RANBP2: variants seen among roughly 807,000 people sequenced by gnomAD.
RANBP2 encodes the protein RAN binding protein 2, also known as E3 SUMO-protein ligase RanBP2.
RANBP2 carries 57 observed loss-of-function variants against 303.6 expected under a neutral mutation model. That is an observed-to-expected ratio of 0.19 (90% CI 0.15 to 0.23). RANBP2 has a LOEUF of 0.23. Ranked by LOEUF, RANBP2 falls within the 10% of genes least tolerant of loss-of-function variation. The pLI, the probability that RANBP2 is intolerant of heterozygous loss-of-function variation, is 1.00. For missense variants in RANBP2, 3,138 were observed against 3,780.8 expected (o/e 0.83, Z 4.46); for synonymous variants, 1,167 against 1,301.5 (o/e 0.90, Z 2.23).
chr2:108,721,127 C>G (rs1287522268), intron 1 of RANBP2, among the ~76,000 whole-genome samples: 3 of 152,136 alleles, frequency 2.0e-5, no homozygotes, highest in East Asian at 1.9e-4. Flanking sequence ...TGTCTCTTAT[C>G]GTAACTAAGC....
At chr2:109,681,907 TGGCC>T in the RANBP2 span, among the ~76,000 whole-genome samples, 2 of 152,216 alleles carry the variant, frequency 1.3e-5, no homozygotes, top group Non-Finnish European at 2.9e-5. Context: ...AGTAGAGAGG[TGGCC>T]TCTCTTCCAG....
In RANBP2 at chr2:108,764,831, C is replaced by G. The variant is rs143070762; in HGVS notation, c.4292C>G (p.Thr1431Ser). ...ATTTGTTTAGTAAGAAATGAACCTA[C>G]TGTATCTAGGTGCATTGCGTGTCAG... Reference protein sequence around the residue: ...CSICLVRNEPTVSRCIACQNT... With the variant: ...CSICLVRNEPSVSRCIACQNT... The change falls in exon 20 of 29, where the codon ACT (threonine) becomes AGT (serine). Residue 1431 changes from threonine to serine, a missense_variant. Physicochemically the swap from Thr to Ser is moderately conservative, Grantham distance 58. Coordinates refer to ENST00000283195, the MANE Select transcript of RANBP2 (RefSeq NM_006267.5). 7 of 1,613,940 alleles carry G rather than the reference C, an allele frequency of 4.3e-6. No homozygotes were observed. Among genetic ancestry groups the G allele is most frequent in the African/African-American group, 4.0e-5 (3 of 74,918 alleles).
chr2:109,527,262 A>T, the RANBP2 span, among the ~76,000 whole-genome samples: 1 of 152,232 alleles, frequency 6.6e-6, no homozygotes, highest in East Asian at 1.9e-4. Flanking sequence ...GACTAAGCAG[A>T]GAGGCCTGGG....
chr2:108,760,719 C>G (rs1324166761), intron 18 of RANBP2, among the ~76,000 whole-genome samples: 1 of 152,126 alleles, frequency 6.6e-6, no homozygotes, highest in African/African-American at 2.4e-5. Flanking sequence ...ACGTGGGTAC[C>G]TCCCAGTTGT....
chr2:108,834,383 C>G, the RANBP2 span, among the ~76,000 whole-genome samples: 1 of 151,804 alleles, frequency 6.6e-6, no homozygotes, highest in African/African-American at 2.4e-5. Flanking sequence ...CTAATTTTTG[C>G]ATTTTTAATA....
the RANBP2 span, among the ~76,000 whole-genome samples, chr2:109,506,624 A>G: frequency 6.6e-6 from 1 of 152,204 alleles, no homozygotes; most frequent in African/African-American, 2.4e-5. Flanking sequence ...GATCCTTACA[A>G]CAGCCCCCGA....
At chr2:109,203,412 G>A in the RANBP2 span, among the ~76,000 whole-genome samples, 1 of 152,160 alleles carries the variant, frequency 6.6e-6, no homozygotes, top group Non-Finnish European at 1.5e-5. Flanking sequence ...CCCTACGAGC[G>A]CATCACCTGT....
At chr2:109,593,669 G>C in the RANBP2 span, among the ~76,000 whole-genome samples, 1 of 152,124 alleles carries the variant, frequency 6.6e-6, no homozygotes, top group Non-Finnish European at 1.5e-5. Flanking sequence ...CTCCCAGAGT[G>C]CTAGGATTAC....
the RANBP2 span, among the ~76,000 whole-genome samples, chr2:109,767,368 C>CGGT: frequency 1.4e-5 from 2 of 147,326 alleles, no homozygotes; most frequent in Non-Finnish European, 3.0e-5. Flanking sequence ...CTCTTACTTA[C>CGGT]GGTGGTACTA....
the RANBP2 span, among the ~76,000 whole-genome samples, chr2:109,030,600 G>A: frequency 6.6e-6 from 1 of 152,180 alleles, no homozygotes; most frequent in East Asian, 1.9e-4. Flanking sequence ...AGGATGACCA[G>A]CAGGCTGTTA....
chr2:108,867,873 C>T, the RANBP2 span, among the ~76,000 whole-genome samples: 13 of 152,092 alleles, frequency 8.5e-5, no homozygotes, highest in African/African-American at 1.4e-4. Flanking sequence ...ATTTTTGTCC[C>T]GTGTAATAAA....
the RANBP2 span, among the ~76,000 whole-genome samples, chr2:109,612,736 C>G: frequency 1.3e-5 from 2 of 152,124 alleles, no homozygotes; most frequent in Non-Finnish European, 2.9e-5. Context: ...CACACAAACA[C>G]AGCAACTGAG....
chr2:109,239,553 C>T, the RANBP2 span, among the ~76,000 whole-genome samples: 3 of 152,156 alleles, frequency 2.0e-5, no homozygotes, highest in Non-Finnish European at 4.4e-5. Context: ...ATGAGGGACA[C>T]GGGGTTAGTG....
chr2:109,334,341 G>GT, the RANBP2 span, among the ~76,000 whole-genome samples: 45 of 128,294 alleles, frequency 3.5e-4, no homozygotes, highest in Admixed American at 5.6e-4. Flanking sequence ...TTGGGTGACA[G>GT]TTTTTTTTTT....
At chr2:109,566,476 G>A in the RANBP2 span, among the ~76,000 whole-genome samples, 1 of 152,066 alleles carries the variant, frequency 6.6e-6, no homozygotes, top group African/African-American at 2.4e-5. Flanking sequence ...CAAAGATAAT[G>A]TTGAGGAAAT....
At chr2:108,897,027 A>C in the RANBP2 span, 2 of 1,613,960 alleles carry the variant, frequency 1.2e-6, no homozygotes, top group Admixed American at 3.3e-5. Context: ...TGAGTAGCTC[A>C]GGGATGCTGT....
the RANBP2 span, among the ~76,000 whole-genome samples, chr2:109,520,996 G>A: frequency 1.5e-4 from 23 of 151,390 alleles, no homozygotes; most frequent in East Asian, 5.9e-4. Flanking sequence ...TTGATAGGCC[G>A]AGGCGGGCAG....
At chr2:109,068,700 GC>G in the RANBP2 span, among the ~76,000 whole-genome samples, 1 of 152,152 alleles carries the variant, frequency 6.6e-6, no homozygotes, top group South Asian at 2.1e-4. Flanking sequence ...CCCCAGGTTG[GC>G]CATTATGAGC....
the RANBP2 span, among the ~76,000 whole-genome samples, chr2:109,548,165 T>C: frequency 7.4e-6 from 1 of 135,044 alleles, no homozygotes; most frequent in South Asian, 2.5e-4. Flanking sequence ...CTGGTTTAAT[T>C]GTGGCTTACC....
Sources: allele counts gnomAD v4.1 joint callset (sites outside exome capture counted in the v4.1 genomes callset), GRCh38; gene constraint gnomAD v4.1.1; transcripts MANE v1.5; gene names NCBI Gene and HGNC (gene_info 2026-07-23, HGNC 2026-07-21).